The following CEP128 variants were observed in gnomAD, a reference collection of about 807,000 sequenced individuals.
The protein encoded by CEP128 is centrosomal protein 128.
CEP128 carries 132 observed loss-of-function variants against 156.7 expected under a neutral mutation model. The observed-to-expected ratio is 0.84, with a 90% CI of 0.73 to 0.97. The LOEUF (loss-of-function observed/expected upper bound fraction) is 0.97, where lower values mean the gene tolerates loss of function less well. Ranked by LOEUF, CEP128 falls within the 50% of genes least tolerant of loss-of-function variation. The pLI, the probability that CEP128 is intolerant of heterozygous loss-of-function variation, is 0.00. For synonymous variants in CEP128, 469 were observed against 448.9 expected, an observed-to-expected ratio of 1.04 and a Z score of -0.57; for missense variants, 1,252 against 1,281.9, an observed-to-expected ratio of 0.98 and a Z score of 0.36.
rs766724436 is a variant in CEP128 at position 80,856,720 on chromosome 14, C to CTTTTTTTTTTTTTTTTTTTTTTTTT, written c.762+6012_762+6036dup. ...AGCATTTATCTCATGTTTTTCTTTT[C>CTTTTTTTTTTTTTTTTTTTTTTTTT]TTTTTTTTTTTTTTTTTTTTTTTTT... On this transcript the variant is annotated intron_variant, in intron 9 of 24. Coordinates refer to ENST00000555265, the MANE Select transcript of CEP128 (RefSeq NM_152446.5). Among the ~76,000 whole-genome samples, 2 of 65,158 alleles carry CTTTTTTTTTTTTTTTTTTTTTTTTT rather than the reference C, an allele frequency of 3.1e-5. 1 individual carries two copies. The highest frequency in any genetic ancestry group is 1.3e-4 in the African/African-American group (2 of 15,756). The allele number at this position is 65,158 out of a possible 152,430, so 42.7% of individuals were successfully genotyped here.
intron 21 of CEP128, among the ~76,000 whole-genome samples, chr14:80,544,617 C>T (rs907778673): frequency 3.9e-5 from 6 of 152,146 alleles, no homozygotes; most frequent in Non-Finnish European, 7.4e-5. Context: ...TCTCAGACTC[C>T]TCACGGACAT....
chr14:80,658,006 T>TAA (rs142665364), intron 19 of CEP128, among the ~76,000 whole-genome samples: 1 of 151,844 alleles, frequency 6.6e-6, no homozygotes, highest in African/African-American at 2.4e-5. Flanking sequence ...GTGACAGCGT[T>TAA]AAAAAAAAGT....
At chr14:80,673,365 C>T (rs1308214474) in intron 19 of CEP128, among the ~76,000 whole-genome samples, 10 of 152,016 alleles carry the variant, frequency 6.6e-5, no homozygotes, top group African/African-American at 2.4e-4. Context: ...TAAAGCAGGC[C>T]GGGCGCGGTG....
chr14:80,572,939 T>A (rs1272826391), intron 20 of CEP128, among the ~76,000 whole-genome samples: 2 of 152,174 alleles, frequency 1.3e-5, no homozygotes, highest in African/African-American at 4.8e-5. Flanking sequence ...GTTTTTTGTT[T>A]TTTGATGGAG....
rs916517000 is a variant in CEP128 at position 80,586,494 on chromosome 14, A to C, written c.2807-6071T>G. On this transcript the variant is annotated intron_variant, in intron 19 of 24. Coordinates refer to ENST00000555265, the MANE Select transcript of CEP128 (RefSeq NM_152446.5). ...TCCAGTACTTTTTTTTTCTTTACAC[A>C]AAAGTGACTGCCCTGCTTTGACTTT... Among the ~76,000 whole-genome samples, 108 of 152,218 alleles carry C rather than the reference A, an allele frequency of 7.1e-4. 3 individuals carry two copies. Among genetic ancestry groups the C allele is most frequent in the Non-Finnish European group, 2.2e-4 (15 of 68,034 alleles).
Position 80,845,834 on chromosome 14 carries a change from T to A in CEP128, c.763-5066A>T, listed in dbSNP as rs143168501. On this transcript the variant is annotated intron_variant, in intron 9 of 24. Transcript: ENST00000555265. ...TCAGTAGTTGCCCAATAAATATTAA[T>A]TGATAATGATGGAAATGGGCTTTAT... Among the ~76,000 whole-genome samples, 415 of 152,286 alleles carry A rather than the reference T, an allele frequency of 2.7e-3. 5 individuals carry two copies. Among genetic ancestry groups the A allele is most frequent in the African/African-American group, 9.6e-3 (400 of 41,566 alleles).
At chr14:80,625,603 AT>A (rs1351684958) in intron 19 of CEP128, among the ~76,000 whole-genome samples, 1 of 152,038 alleles carries the variant, frequency 6.6e-6, no homozygotes, top group Non-Finnish European at 1.5e-5. Flanking sequence ...ATGTCATTCC[AT>A]TTTTTGTGTC....
At chr14:80,670,633 T>A (rs1052564742) in intron 19 of CEP128, among the ~76,000 whole-genome samples, 1 of 151,738 alleles carries the variant, frequency 6.6e-6, no homozygotes, top group Non-Finnish European at 1.5e-5. Context: ...TTAGAAATAG[T>A]GTGAGGGGGG....
chr14:80,947,992 G>T (rs1448898485), intron 2 of CEP128, among the ~76,000 whole-genome samples: 1 of 152,194 alleles, frequency 6.6e-6, no homozygotes, highest in Non-Finnish European at 1.5e-5. Context: ...AGCCAACACA[G>T]ATGGTCAAGC....
At chr14:80,836,452 G>T in intron 11 of CEP128, 115 bp from the exon 12 acceptor site, 2 of 1,122,520 alleles carry the variant, frequency 1.8e-6, no homozygotes, top group Non-Finnish European at 2.6e-6. Context: ...AAGCATAGTG[G>T]AACGGTTTCC....
chr14:80,918,256 ATGTT>A (rs1884668317), intron 2 of CEP128, among the ~76,000 whole-genome samples: 1 of 152,224 alleles, frequency 6.6e-6, no homozygotes, highest in Non-Finnish European at 1.5e-5. Flanking sequence ...CTTACATATA[ATGTT>A]CACCTTTTAA....
At chr14:80,864,894 A>T (rs1887694695) in intron 8 of CEP128, among the ~76,000 whole-genome samples, 1 of 152,178 alleles carries the variant, frequency 6.6e-6, no homozygotes, top group Non-Finnish European at 1.5e-5. Context: ...TTGAAACATA[A>T]TTTCATGTAT....
At chr14:80,527,389 C>T (rs976678353) in intron 22 of CEP128, 1 of 206,548 alleles carries the variant, frequency 4.8e-6, no homozygotes, top group Non-Finnish European at 1.0e-5. Flanking sequence ...TGAGATTGTG[C>T]TACTGCACTA....
intron 16 of CEP128, among the ~76,000 whole-genome samples, chr14:80,771,328 T>C (rs1171980880): frequency 3.3e-5 from 5 of 152,220 alleles, no homozygotes; most frequent in Non-Finnish European, 5.9e-5. Flanking sequence ...TGTATGCTTA[T>C]ATCCTGTTTC....
At chr14:80,909,250 T>A (rs917847357) in intron 4 of CEP128, among the ~76,000 whole-genome samples, 1 of 152,132 alleles carries the variant, frequency 6.6e-6, no homozygotes, top group Non-Finnish European at 1.5e-5. Flanking sequence ...GTAGAAGAGT[T>A]GATCTGAAAT....
At chr14:80,681,033 T>C (rs746735877) in intron 19 of CEP128, among the ~76,000 whole-genome samples, 18 of 149,768 alleles carry the variant, frequency 1.2e-4, no homozygotes, top group Non-Finnish European at 2.5e-4. Context: ...CTATATACCA[T>C]GCTGGCTATA....
At chr14:80,484,229 C>T (rs539075622) in intron 14 of CEP128, among the ~76,000 whole-genome samples, 20 of 152,318 alleles carry the variant, frequency 1.3e-4, no homozygotes, top group Non-Finnish European at 2.5e-4. Context: ...CTGCCTGCCT[C>T]GGCCTCCCAA....
At chr14:80,625,137 A>G (rs1893655790) in intron 19 of CEP128, among the ~76,000 whole-genome samples, 1 of 152,150 alleles carries the variant, frequency 6.6e-6, no homozygotes, top group Non-Finnish European at 1.5e-5. Flanking sequence ...TTATTCTTTC[A>G]CATATGGATA....
chr14:80,599,430 G>A (rs549138052), intron 19 of CEP128, among the ~76,000 whole-genome samples: 12 of 151,600 alleles, frequency 7.9e-5, no homozygotes, highest in Non-Finnish European at 1.6e-4. Context: ...CCGCCACCAC[G>A]CCCGGCTAAT....
Sources: gnomAD v4.1 joint callset for allele counts (sites outside exome capture counted in the v4.1 genomes callset) on GRCh38, gnomAD v4.1.1 for gene constraint, MANE v1.5 for transcripts, NCBI Gene and HGNC (gene_info 2026-07-23, HGNC 2026-07-21) for gene names.